Variants in DICER1 observed in about 807,000 individuals in gnomAD.
DICER1 encodes the protein dicer 1, ribonuclease III.
Under a neutral mutation model 194.1 loss-of-function variants are expected in DICER1, and 43 were observed. The observed-to-expected ratio is 0.22, with a 90% CI of 0.17 to 0.29. The LOEUF is 0.29. DICER1 is among the 10% of genes least tolerant of loss of function. The probability of loss-of-function intolerance (pLI) is 1.00; values close to 1 mark genes in which losing one functional copy is unlikely to be tolerated. For synonymous variants in DICER1, 832 were observed against 820.5 expected, an observed-to-expected ratio of 1.01 and a Z score of -0.24; for missense variants, 1,608 against 2,317.0, an observed-to-expected ratio of 0.69 and a Z score of 6.28.
rs1177718322 is a variant in DICER1, at chr14:95,130,105, C to T, written c.526G>A (p.Glu176Lys). The change falls in exon 5 of 27, where the codon GAG (glutamate) becomes AAG (lysine). Residue 176 changes from glutamate (E) to lysine (K), a missense_variant. Physicochemically the swap from Glu to Lys is moderately conservative, Grantham distance 56 (BLOSUM62 1). Around this residue, in one of 10 missense-constraint regions of DICER1, gnomAD observed 657 missense variants for 910.1 expected, o/e 0.72. Transcript: ENST00000343455. ...TGGTCTAGGATTGCAAGATGACACT[C>T]ATCAAACACCAAAAGGTTAATGTCT... The part of the protein sequence containing the change: ...LSDINLLVFD[E>K]CHLAILDHPY... The T allele has an allele frequency of 6.2e-7, 1 of 1,613,460 alleles. No homozygotes were observed. Among genetic ancestry groups the T allele is most frequent in the African/African-American group, 1.3e-5 (1 of 75,034 alleles).
chr14:95,103,388 A>G lies in DICER1; in HGVS notation c.4008T>C (p.Pro1336=), dbSNP rs754366233. 6.2e-7 allele frequency: 1 copy of G among 1,614,228 alleles called. No homozygotes were observed. Residue 1336 remains proline (P), a synonymous_variant, in exon 21 of 27, where the codon CCT becomes CCC. Transcript: ENST00000343455. ...AITTYLFCTY[P]DAHEGRLSYM... ...ATGAAAGGCGGCCCTCATGCGCATCAGGGTAAGTGCAAAATAGATATGTGG... is the reference window on the plus strand; with the variant it reads ...ATGAAAGGCGGCCCTCATGCGCATCGGGGTAAGTGCAAAATAGATATGTGG...
At chr14:95,102,277 T>C (rs1890951141) in intron 21 of DICER1, among the ~76,000 whole-genome samples, 1 of 152,200 alleles carries the variant, frequency 6.6e-6, no homozygotes, top group African/African-American at 2.4e-5. Flanking sequence ...GGTTTGGATA[T>C]GCTTTTCAAC....
chr14:95,118,056 A>G (rs1392995871), intron 8 of DICER1, among the ~76,000 whole-genome samples: 2 of 152,230 alleles, frequency 1.3e-5, no homozygotes, highest in African/African-American at 2.4e-5. Context: ...GTGGCCCAGG[A>G]TGAGACTGAG....
rs942463789 is a variant in DICER1, at chr14:95,089,102, A to C, written c.*1396T>G. ...ATAATACATAAACATAGCACCAAAC[A>C]GGGGAAAAATGCATGCAAAAGAAAA... On this transcript the variant is annotated 3_prime_UTR_variant, in exon 27 of 27. Transcript: ENST00000343455. The C allele has an allele frequency of 8.6e-6, 2 of 233,316 alleles. No homozygotes were observed. The highest frequency in any genetic ancestry group is 2.2e-5 in the African/African-American group (1 of 45,338). The allele number at this position is 233,316 out of a possible 1,614,324, so 14.5% of individuals were successfully genotyped here. A position where few individuals can be genotyped will look rare whatever the true frequency, so the allele number is the denominator to read the frequency against.
In DICER1 at chr14:95,095,593, C is replaced by T. The variant is rs1595336337; in HGVS notation, c.5095+232G>A. On this transcript the variant is annotated intron_variant, in intron 23 of 26. Transcript: ENST00000343455. ...CTAATTAGGCAGATATAAAATGACA[C>T]TGATGAGGGTATATGATAGCCATAC... 9.1e-6 allele frequency: 5 copies of T among 548,930 alleles called. No individual in the cohort carries two copies. In the East Asian group the frequency reaches 1.6e-4, roughly 17 times the overall value. 34.0% of individuals were successfully genotyped at this position (548,930 alleles called of 1,614,324 possible). A position where few individuals can be genotyped will look rare whatever the true frequency, so the allele number is the denominator to read the frequency against.
chr14:95,112,991 A>T, intron 12 of DICER1, 101 bp downstream of exon 12: 2 of 1,306,544 alleles, frequency 1.5e-6, no homozygotes, highest in Non-Finnish European at 2.2e-6. Context: ...AGTAGATTTT[A>T]AAATCAAATT....
chr14:95,100,299 C>T (rs115003942), intron 21 of DICER1, among the ~76,000 whole-genome samples: 1,935 of 152,102 alleles, frequency 0.013, 36 homozygotes, highest in African/African-American at 0.044. Context: ...CTGGAATTAC[C>T]AAAGTAGAAA....
intron 12 of DICER1, among the ~76,000 whole-genome samples, chr14:95,112,729 A>C (rs955137937): frequency 1.3e-5 from 2 of 152,208 alleles, no homozygotes; most frequent in Non-Finnish European, 2.9e-5. Flanking sequence ...AACGATCTAT[A>C]ATAAGTTTTA....
At chr14:95,091,177 TTC>T in intron 25 of DICER1, 24 bp downstream of exon 25, 1 of 1,614,198 alleles carries the variant, frequency 6.2e-7, no homozygotes, top group Non-Finnish European at 8.5e-7. Context: ...GTGGGTTTTT[TTC>T]TTTCTAAAGG....
chr14:95,095,490 C>T (rs1890226273), intron 23 of DICER1: 3 of 339,310 alleles, frequency 8.8e-6, no homozygotes, highest in South Asian at 8.7e-5. Context: ...CCAAAAGCAG[C>T]ACTGAATGGG....
intron 20 of DICER1, 99 bp downstream of exon 20, chr14:95,104,971 CT>C (rs1398828045): frequency 7.4e-6 from 9 of 1,222,788 alleles, no homozygotes; most frequent in African/African-American, 1.5e-5. Context: ...TCTTTTTACT[CT>C]TTTAAGAATT....
At chr14:95,152,983 G>A (rs543151382) in intron 1 of DICER1, among the ~76,000 whole-genome samples, 2 of 152,148 alleles carry the variant, frequency 1.3e-5, no homozygotes, top group East Asian at 1.9e-4. Context: ...TTGGGAGGCC[G>A]AGACGGGAGG....
chr14:95,149,445 C>T (rs1895367505), intron 1 of DICER1, among the ~76,000 whole-genome samples: 1 of 152,096 alleles, frequency 6.6e-6, no homozygotes, highest in Admixed American at 6.5e-5. Flanking sequence ...TCTCACGAAC[C>T]CCACCCCACA....
Position 95,107,889 on chromosome 14 carries a change from G to A in DICER1, c.2641C>T (p.Leu881Phe). The change falls in exon 16 of 27, where the codon CTT (leucine) becomes TTT (phenylalanine). Residue 881 changes from leucine to phenylalanine, a missense_variant. Coordinates refer to ENST00000343455, the MANE Select transcript of DICER1 (RefSeq NM_177438.3). Reference sequence around the variant, plus strand: ...GAGATTTTTTTCTTACCAACATTAAGAGGTAGAACACAGTATGCTGAATCA... The same window carrying A: ...GAGATTTTTTTCTTACCAACATTAAAAGGTAGAACACAGTATGCTGAATCA... ...DADSAYCVLP[L>F]NVVNDSSTLD... 6.2e-7 allele frequency: 1 copy of A among 1,613,700 alleles called. No homozygotes were observed. The highest frequency in any genetic ancestry group is 8.5e-7 in the Non-Finnish European group (1 of 1,179,634).
At chr14:95,113,374 A>G in intron 11 of DICER1, 150 bp from the exon 12 acceptor site, 2 of 779,836 alleles carry the variant, frequency 2.6e-6, no homozygotes, top group East Asian at 2.7e-5. Context: ...CAAACTTCGA[A>G]TAAGACAGAA....
chr14:95,130,379 T>C (rs1893853205), intron 4 of DICER1, among the ~76,000 whole-genome samples, 187 bp from the exon 5 acceptor site: 1 of 152,156 alleles, frequency 6.6e-6, no homozygotes, highest in South Asian at 2.1e-4. Context: ...CAGGAAAGCA[T>C]GGGAAAAGAG....
At chr14:95,133,578 A>G in intron 1 of DICER1, 75 bp from the exon 2 acceptor site, 1 of 1,083,488 alleles carries the variant, frequency 9.2e-7, no homozygotes, top group Non-Finnish European at 1.4e-6. Flanking sequence ...AACAAGAGAA[A>G]CATCAGAATA....
chr14:95,088,206 T>C lies in DICER1; in HGVS notation c.*2292A>G. 4.3e-6 allele frequency: 1 copy of C among 232,554 alleles called. No individual in the cohort carries two copies. Among genetic ancestry groups the C allele is most frequent in the Non-Finnish European group, 8.5e-6 (1 of 117,438 alleles). The allele number at this position is 232,554 out of a possible 1,614,324, so 14.4% of individuals were successfully genotyped here. A position where few individuals can be genotyped will look rare whatever the true frequency, so the allele number is the denominator to read the frequency against. ...AAGGAAATTTGAACCCCTGAGAATG[T>C]ATGACCTAATCATGTCTAAGTTTGA... On this transcript the variant is annotated 3_prime_UTR_variant, in exon 27 of 27. Coordinates refer to ENST00000343455, the MANE Select transcript of DICER1 (RefSeq NM_177438.3).
At chr14:95,143,646 A>G (rs1469173617) in intron 1 of DICER1, among the ~76,000 whole-genome samples, 1 of 152,236 alleles carries the variant, frequency 6.6e-6, no homozygotes, top group Non-Finnish European at 1.5e-5. Flanking sequence ...ATTTAGTTAC[A>G]TAAAACAGTA....
Sources: allele counts gnomAD v4.1 joint callset (sites outside exome capture counted in the v4.1 genomes callset), GRCh38; gene constraint gnomAD v4.1.1; regional missense constraint gnomAD v4.1.1; transcripts MANE v1.5; gene names NCBI Gene and HGNC (gene_info 2026-07-23, HGNC 2026-07-21).